The following STK3 variants were observed in gnomAD, a reference collection of about 807,000 sequenced individuals.
The protein encoded by STK3 is serine/threonine-protein kinase 3.
In STK3, 41 loss-of-function variants were observed where a neutral mutation model predicts 58.0. That is an observed-to-expected ratio of 0.71 (90% CI 0.55 to 0.92). The LOEUF is 0.92. Ranked by LOEUF, STK3 falls within the 40% of genes least tolerant of loss-of-function variation. The probability of loss-of-function intolerance (pLI) is 0.00; values close to 1 mark genes in which losing one functional copy is unlikely to be tolerated. For synonymous variants in STK3, 170 were observed against 191.0 expected, an observed-to-expected ratio of 0.89 and a Z score of 0.91; for missense variants, 479 against 602.7, an observed-to-expected ratio of 0.79 and a Z score of 2.15.
chr8:98,935,989 T>A (rs1273157888), intron 1 of STK3, among the ~76,000 whole-genome samples: 1 of 152,134 alleles, frequency 6.6e-6, no homozygotes. Context: ...CAATATTGGC[T>A]CACTGCAAGC....
chr8:98,649,233 C>T (rs149302477), intron 6 of STK3, among the ~76,000 whole-genome samples: 9 of 151,616 alleles, frequency 5.9e-5, no homozygotes, highest in African/African-American at 9.7e-5. Context: ...TTTTTAATAT[C>T]GTAGATATCA....
chr8:98,795,104 ATAT>A (rs1433783571), intron 1 of STK3, among the ~76,000 whole-genome samples: 3,740 of 22,772 alleles, frequency 0.16, 635 homozygotes, highest in Middle Eastern at 0.25. Context: ...AAAAAAAAAA[ATAT>A]ATATATATAT....
chr8:98,456,809 G>A (rs1225008545), intron 10 of STK3, among the ~76,000 whole-genome samples: 2 of 152,198 alleles, frequency 1.3e-5, no homozygotes, highest in Non-Finnish European at 2.9e-5. Context: ...TATTTTATGA[G>A]TCAAGCTAGG....
At chr8:98,731,672 G>A (rs1314029557) in intron 4 of STK3, among the ~76,000 whole-genome samples, 1 of 150,082 alleles carries the variant, frequency 6.7e-6, no homozygotes, top group Non-Finnish European at 1.5e-5. Context: ...GCAGTAAGCC[G>A]AGATGGCGCC....
Position 98,721,081 on chromosome 8 carries a change from A to G in STK3, c.352-13770T>C, listed in dbSNP as rs143183435. 704 of 985,176 alleles carry G rather than the reference A, an allele frequency of 7.1e-4. 1 individual carries two copies. The highest frequency in any genetic ancestry group is 2.1e-3 in the South Asian group (44 of 21,286). The allele number at this position is 985,176 out of a possible 1,614,324, so 61.0% of individuals were successfully genotyped here. A position where few individuals can be genotyped will look rare whatever the true frequency, so the allele number is the denominator to read the frequency against. On this transcript the variant is annotated intron_variant, in intron 4 of 10. Transcript: ENST00000419617. Reference sequence around the variant, plus strand: ...AGAAGTAAGCACACTCACCTGGCCAATAATTTTTTTGATTCCTTTCACCCT... The same window carrying G: ...AGAAGTAAGCACACTCACCTGGCCAGTAATTTTTTTGATTCCTTTCACCCT...
chr8:98,519,970 G>T (rs1195898845), intron 10 of STK3, among the ~76,000 whole-genome samples: 1 of 152,092 alleles, frequency 6.6e-6, no homozygotes, highest in Non-Finnish European at 1.5e-5. Context: ...TGGGTTAACA[G>T]ATGGCTTTTG....
intron 1 of STK3, among the ~76,000 whole-genome samples, chr8:98,932,094 T>C (rs1047906578): frequency 6.6e-6 from 1 of 152,044 alleles, no homozygotes; most frequent in Non-Finnish European, 1.5e-5. Flanking sequence ...ATGGTAACAA[T>C]AATTAACAGT....
intron 6 of STK3, among the ~76,000 whole-genome samples, chr8:98,696,070 G>A (rs1824889478): frequency 2.0e-5 from 3 of 151,996 alleles, no homozygotes; most frequent in South Asian, 2.1e-4. Context: ...TCCTTGAAGA[G>A]GTCCTTCATG....
At chr8:98,776,499 C>G (rs1831686580) in intron 1 of STK3, among the ~76,000 whole-genome samples, 1 of 152,156 alleles carries the variant, frequency 6.6e-6, no homozygotes, top group African/African-American at 2.4e-5. Flanking sequence ...AGCAGGGTAT[C>G]CTCAGATCAA....
At position 98,804,254 on chromosome 8, in the gene STK3, G is replaced by A. The variant is rs540860153; in HGVS notation, c.26+21261C>T. ...TGGCCTCAAGTGATCCGCCCACCTC[G>A]GCCTCCCAAAGTGCTGGGATTACAG... On this transcript the variant is annotated intron_variant, in intron 1 of 10. Transcript: ENST00000419617. Among the ~76,000 whole-genome samples the A allele has an allele frequency of 7.2e-5, 11 of 152,038 alleles. No individual in the cohort carries two copies. In the East Asian group the frequency reaches 7.7e-4, roughly 11 times the overall value.
chr8:98,737,758 A>G (rs1056981834), intron 4 of STK3, among the ~76,000 whole-genome samples: 2 of 152,144 alleles, frequency 1.3e-5, no homozygotes, highest in African/African-American at 4.8e-5. Context: ...CCTAGGCTAG[A>G]CTGCAGTGGC....
chr8:98,867,892 A>G (rs1309621227), intron 3 of STK3, among the ~76,000 whole-genome samples: 1 of 152,336 alleles, frequency 6.6e-6, no homozygotes. Context: ...TTTAGCTACT[A>G]TTATAACATT....
intron 1 of STK3, among the ~76,000 whole-genome samples, chr8:98,787,167 C>CAAAAAAAAAAAAAAAAAAAA (rs35568354): frequency 4.4e-5 from 1 of 22,674 alleles, no homozygotes; most frequent in Non-Finnish European, 7.3e-5. Flanking sequence ...GACTCCACCT[C>CAAAAAAAAAAAAAAAAAAAA]AAAAAAAAAA....
chr8:98,934,960 AT>A (rs1840143038), intron 1 of STK3, among the ~76,000 whole-genome samples: 2 of 151,968 alleles, frequency 1.3e-5, no homozygotes, highest in African/African-American at 4.9e-5. Flanking sequence ...CATGACATAT[AT>A]AAAGAGCAAA....
chr8:98,493,872 A>G (rs1822905993), intron 10 of STK3, among the ~76,000 whole-genome samples: 1 of 152,144 alleles, frequency 6.6e-6, no homozygotes, highest in South Asian at 2.1e-4. Context: ...TCCTTCACCT[A>G]GTTATTCAGG....
chr8:98,555,779 CATACTACAA>C (rs1401078153), intron 8 of STK3, among the ~76,000 whole-genome samples: 1 of 152,016 alleles, frequency 6.6e-6, no homozygotes, highest in Non-Finnish European at 1.5e-5. Flanking sequence ...ATGTAACAAA[CATACTACAA>C]ATACATAGCT....
At chr8:98,889,966 G>C (rs1838134684) in intron 1 of STK3, 2 of 152,236 alleles carry the variant, frequency 1.3e-5, no homozygotes, top group African/African-American at 4.8e-5. Context: ...GTATCTTTAA[G>C]GAGAAGACCC....
At chr8:98,691,542 C>T (rs561348082) in intron 6 of STK3, among the ~76,000 whole-genome samples, 1 of 152,022 alleles carries the variant, frequency 6.6e-6, no homozygotes, top group East Asian at 1.9e-4. Flanking sequence ...AATAAACAGG[C>T]AGTAAAAAGT....
intron 2 of STK3, among the ~76,000 whole-genome samples, chr8:98,371,861 C>G (rs1817613937): frequency 6.6e-6 from 1 of 152,150 alleles, no homozygotes; most frequent in South Asian, 2.1e-4. Flanking sequence ...CTTGAATTGT[C>G]TCTCCCCAAA....
Sources: gnomAD v4.1 joint callset for allele counts (sites outside exome capture counted in the v4.1 genomes callset) on GRCh38, gnomAD v4.1.1 for gene constraint, MANE v1.5 for transcripts, NCBI Gene and HGNC (gene_info 2026-07-23, HGNC 2026-07-21) for gene names.